The following SREK1 variants were observed in gnomAD, a reference collection of about 807,000 sequenced individuals.
The protein encoded by SREK1 is splicing regulatory glutamine/lysine-rich protein 1.
Under a neutral mutation model 66.5 loss-of-function variants are expected in SREK1, and 13 were observed. The observed-to-expected ratio is 0.20, with a 90% CI of 0.13 to 0.31. The LOEUF (loss-of-function observed/expected upper bound fraction) is 0.31, where lower values mean the gene tolerates loss of function less well. SREK1 is among the 10% of genes least tolerant of loss of function. SREK1 has a pLI of 1.00. For missense variants in SREK1, 607 were observed against 769.6 expected, an observed-to-expected ratio of 0.79 and a Z score of 2.50; for synonymous variants, 265 against 263.5, an observed-to-expected ratio of 1.01 and a Z score of -0.05.
Position 66,154,663 on chromosome 5 carries a change from C to G in SREK1, c.295+1067C>G, listed in dbSNP as rs114604165. Among the ~76,000 whole-genome samples the G allele has an allele frequency of 9.1e-3, 1,390 of 152,272 alleles. 24 individuals are homozygous for G. The highest frequency in any genetic ancestry group is 0.031 in the African/African-American group (1,294 of 41,550). ...ATGTCAAAAACATTACAGTCTAATA[C>G]AGTGAGTACCAGGCTCGTATTTTTT... On this transcript the variant is annotated intron_variant, in intron 2 of 11. Transcript: ENST00000334121.
chr5:66,144,629 G>C, intron 1 of SREK1, 92 bp downstream of exon 1: 1 of 1,452,190 alleles, frequency 6.9e-7, no homozygotes, highest in Non-Finnish European at 9.1e-7. Flanking sequence ...GCGGGCGCGC[G>C]GTGCATGTCA....
rs116040601 is a variant in SREK1, at chr5:66,147,216, T to C, written c.161+2679T>C. Among the ~76,000 whole-genome samples, 1,160 of 152,366 alleles carry C rather than the reference T, an allele frequency of 7.6e-3. 24 individuals are homozygous for C. The highest frequency in any genetic ancestry group is 0.026 in the African/African-American group (1,089 of 41,590). The stretch of plus-strand genomic sequence containing the variant: ...TCTTGTGAACATTCACTGTAAGCAT[T>C]AAGAATTCTTATTTGTAGTTTGTCA... On this transcript the variant is annotated intron_variant, in intron 1 of 11. Transcript: ENST00000334121.
At chr5:66,159,697 A>G (rs994511420) in intron 3 of SREK1, among the ~76,000 whole-genome samples, 1 of 152,238 alleles carries the variant, frequency 6.6e-6, no homozygotes, top group Non-Finnish European at 1.5e-5. Context: ...CAACTTTGGT[A>G]ATGGGAAAAA....
At chr5:66,164,249 C>T in intron 6 of SREK1, 1 of 286,120 alleles carries the variant, frequency 3.5e-6, no homozygotes, top group East Asian at 9.2e-5. Context: ...CGTTACGACT[C>T]AGCAGGTTTA....
intron 7 of SREK1, chr5:66,167,609 C>T (rs571141465): frequency 3.9e-5 from 6 of 152,182 alleles, no homozygotes; most frequent in East Asian, 3.9e-4. Context: ...GTAAGATTGA[C>T]GTGAAAATAT....
intron 2 of SREK1, chr5:66,156,600 ATC>A (rs1482944823): frequency 1.0e-6 from 1 of 985,416 alleles, no homozygotes; most frequent in South Asian, 4.7e-5. Context: ...CCTAGTCTAC[ATC>A]TCTCATAAAA....
At chr5:66,169,949 A>AC in intron 7 of SREK1, 102 bp from the exon 8 acceptor site, 1 of 962,454 alleles carries the variant, frequency 1.0e-6, no homozygotes, top group Admixed American at 3.7e-5. Flanking sequence ...TTTAAGAGAA[A>AC]TTTTTAAAAT....
At chr5:66,157,839 A>T (rs1251604784) in intron 2 of SREK1, 1 of 457,460 alleles carries the variant, frequency 2.2e-6, no homozygotes, top group African/African-American at 2.1e-5. Flanking sequence ...CAAGTTTTAA[A>T]TTCCAACTTG....
chr5:66,164,691 A>T (rs758126178), intron 6 of SREK1, 92 bp from the exon 7 acceptor site: 1 of 1,608,420 alleles, frequency 6.2e-7, no homozygotes, highest in Admixed American at 1.7e-5. Flanking sequence ...GGCCCCTTGC[A>T]CTATATGTGG....
intron 3 of SREK1, among the ~76,000 whole-genome samples, chr5:66,160,357 T>A (rs533291200): frequency 6.6e-6 from 1 of 152,350 alleles, no homozygotes; most frequent in East Asian, 1.9e-4. Flanking sequence ...AAGAGTGGTT[T>A]CTGAAATTTT....
Position 66,170,934 on chromosome 5 carries a change from C to T in SREK1, c.1471C>T (p.Arg491Cys), listed in dbSNP as rs149259413. 85 of 1,603,402 alleles carry T rather than the reference C, an allele frequency of 5.3e-5. No individual in the cohort carries two copies. Among genetic ancestry groups the T allele is most frequent in the Non-Finnish European group, 6.3e-5 (74 of 1,176,592 alleles). ...PRSYNASRRS[R>C]SSSRERRRRR... ...GAGTTACAATGCATCGCGAAGATCT[C>T]GTAGTTCCAGCAGGTTTGATAATGC... Residue 491 changes from arginine to cysteine, a missense_variant, in exon 9 of 12, where the codon CGT (arginine) becomes TGT (cysteine). Transcript: ENST00000334121.
intron 2 of SREK1, chr5:66,153,807 C>T (rs1744053549): frequency 1.9e-6 from 1 of 528,716 alleles, no homozygotes; most frequent in Non-Finnish European, 3.1e-6. Context: ...ATTTAACATT[C>T]ATTGGCTTCT....
At chr5:66,147,559 A>G (rs2111916922) in intron 1 of SREK1, among the ~76,000 whole-genome samples, 1 of 152,290 alleles carries the variant, frequency 6.6e-6, no homozygotes, top group East Asian at 1.9e-4. Context: ...TTGTAACACT[A>G]GACATTTTTC....
At chr5:66,164,981 T>C (rs971787621) in intron 7 of SREK1, 84 bp downstream of exon 7, 16 of 1,356,428 alleles carry the variant, frequency 1.2e-5, no homozygotes, top group Non-Finnish European at 1.6e-5. Context: ...CGTCAAAATA[T>C]CAGAAGTTAG....
rs566119813 is a variant in SREK1, at chr5:66,182,871, C to T, written c.*4003C>T. 6.6e-6 allele frequency: 1 copy of T among 152,088 alleles called. No homozygotes were observed. The highest frequency in any genetic ancestry group is 1.5e-5 in the Non-Finnish European group (1 of 68,022). The allele number at this position is 152,088 out of a possible 1,614,324, so 9.4% of individuals were successfully genotyped here. ...GTGTGAGGTACTGCACCTGGCAATACGTTATTTTAAAAGTAAACGCTAAGC... is the reference window on the plus strand; with the variant it reads ...GTGTGAGGTACTGCACCTGGCAATATGTTATTTTAAAAGTAAACGCTAAGC... On this transcript the variant is annotated 3_prime_UTR_variant, in exon 12 of 12. Coordinates refer to ENST00000334121, the MANE Select transcript of SREK1 (RefSeq NM_001077199.3).
intron 1 of SREK1, among the ~76,000 whole-genome samples, chr5:66,151,556 T>C (rs1345757939): frequency 6.6e-6 from 1 of 152,136 alleles, no homozygotes; most frequent in Non-Finnish European, 1.5e-5. Flanking sequence ...GGTTGATGAA[T>C]GTATTTTCAA....
Position 66,170,604 on chromosome 5 carries a change from C to T in SREK1, c.1141C>T (p.Arg381Ter). Residue 381 changes from arginine (R) to a stop codon, truncating the protein, a stop_gained, in exon 9 of 12, where the codon CGA (arginine) becomes TGA (stop). Transcript: ENST00000334121. LOFTEE classifies it high-confidence loss of function. ...SHSRDKRKDT[R>*]EKIKEKERVK... Reference sequence around the variant, plus strand: ...TTAAAGGGACAAGAGAAAAGACACTCGAGAAAAGATCAAGGAAAAGGAAAG... The same window carrying T: ...TTAAAGGGACAAGAGAAAAGACACTTGAGAAAAGATCAAGGAAAAGGAAAG... The T allele has an allele frequency of 6.2e-7, 1 of 1,600,216 alleles. No individual in the cohort carries two copies. The highest frequency in any genetic ancestry group is 8.5e-7 in the Non-Finnish European group (1 of 1,176,564).
Position 66,183,274 on chromosome 5 carries a change from A to G in SREK1, c.*4406A>G, listed in dbSNP as rs993580717. On this transcript the variant is annotated 3_prime_UTR_variant, in exon 12 of 12. Transcript: ENST00000334121. The stretch of plus-strand genomic sequence containing the variant: ...TTCATAAAAATCACACTGAAAGAAT[A>G]GGTTGATTTCAACCATTTTGAGGGT... The G allele has an allele frequency of 1.3e-5, 2 of 152,224 alleles. No individual in the cohort carries two copies. Among genetic ancestry groups the G allele is most frequent in the African/African-American group, 2.4e-5 (1 of 41,460 alleles). 9.4% of individuals were successfully genotyped at this position (152,224 alleles called of 1,614,324 possible).
intron 10 of SREK1, chr5:66,177,220 C>T (rs1420282760): frequency 4.8e-6 from 1 of 207,956 alleles, no homozygotes; most frequent in Non-Finnish European, 9.5e-6. Context: ...AGTACATAAA[C>T]AAATATTGAA....
Sources: allele counts gnomAD v4.1 joint callset (sites outside exome capture counted in the v4.1 genomes callset), GRCh38; gene constraint gnomAD v4.1.1; transcripts MANE v1.5; gene names NCBI Gene and HGNC (gene_info 2026-07-23, HGNC 2026-07-21).